GRM3: variants seen among roughly 807,000 people sequenced by gnomAD.
GRM3 encodes the protein glutamate metabotropic receptor 3.
Under a neutral mutation model 70.5 loss-of-function variants are expected in GRM3, and 26 were observed. The ratio of observed to expected loss-of-function variants is 0.37; its 90% CI spans 0.27 to 0.51. GRM3 has a LOEUF of 0.51. GRM3 is among the 20% of genes least tolerant of loss of function. GRM3 has a pLI of 0.93. For missense variants in GRM3, 859 were observed against 1,123.8 expected (o/e 0.76, Z 3.37); for synonymous variants, 443 against 434.9 (o/e 1.02, Z -0.23).
At chr7:86,767,152 C>T (rs914768583) in intron 2 of GRM3, among the ~76,000 whole-genome samples, 6 of 151,706 alleles carry the variant, frequency 4.0e-5, no homozygotes, top group Admixed American at 3.9e-4. Context: ...GCAGAGATTG[C>T]AGTGAGCCAA....
chr7:86,744,141 G>T (rs893568025), intron 1 of GRM3, among the ~76,000 whole-genome samples: 4 of 151,988 alleles, frequency 2.6e-5, no homozygotes, highest in Non-Finnish European at 5.9e-5. Flanking sequence ...CCAGGTCTGG[G>T]CATTGCTCTC....
intron 1 of GRM3, among the ~76,000 whole-genome samples, chr7:86,668,210 T>C (rs1401410751): frequency 1.3e-5 from 2 of 152,148 alleles, no homozygotes; most frequent in East Asian, 3.9e-4. Context: ...ATATTCTCCT[T>C]AGCCTGCCGT....
intron 1 of GRM3, among the ~76,000 whole-genome samples, chr7:86,663,239 A>C (rs952188129): frequency 7.9e-5 from 12 of 152,048 alleles, no homozygotes; most frequent in African/African-American, 2.9e-4. Flanking sequence ...CAATGAGGTA[A>C]GGGGTAGGCC....
chr7:86,802,904 A>T (rs1283999588), intron 3 of GRM3, among the ~76,000 whole-genome samples: 1 of 152,156 alleles, frequency 6.6e-6, no homozygotes, highest in Non-Finnish European at 1.5e-5. Context: ...CAAGTTAAAA[A>T]TTTTAAATGC....
intron 4 of GRM3, among the ~76,000 whole-genome samples, chr7:86,841,002 C>T (rs1438518451): frequency 1.3e-5 from 2 of 152,128 alleles, no homozygotes; most frequent in Admixed American, 6.6e-5. Flanking sequence ...TTAAAAATCA[C>T]TGAGGGTCAA....
chr7:86,806,664 G>C (rs1797800199), intron 3 of GRM3, among the ~76,000 whole-genome samples: 1 of 152,132 alleles, frequency 6.6e-6, no homozygotes, highest in South Asian at 2.1e-4. Flanking sequence ...CAGATGGGTA[G>C]ATTGCAAAAA....
At chr7:86,711,181 A>T (rs10230076) in intron 1 of GRM3, among the ~76,000 whole-genome samples, 103,347 of 148,924 alleles carry the variant, frequency 0.69, 36,435 homozygotes, top group East Asian at 0.91. Flanking sequence ...AATTTAATTT[A>T]ATTTTATTTT....
At chr7:86,698,594 CAT>C (rs1023554834) in intron 1 of GRM3, among the ~76,000 whole-genome samples, 3 of 148,362 alleles carry the variant, frequency 2.0e-5, no homozygotes, top group Non-Finnish European at 4.5e-5. Context: ...CACACACACA[CAT>C]ATATATAAAC....
chr7:86,776,188 T>C (rs74393160), intron 2 of GRM3, among the ~76,000 whole-genome samples: 3,455 of 152,322 alleles, frequency 0.023, 61 homozygotes, highest in Non-Finnish European at 0.035. Context: ...GTGCTTCATA[T>C]GTTTTCATTT....
At position 86,670,954 on chromosome 7, in the gene GRM3, C is replaced by A. The variant is rs188966741; in HGVS notation, c.-141+26082C>A. Among the ~76,000 whole-genome samples, 176 of 152,312 alleles carry A rather than the reference C, an allele frequency of 1.2e-3. 2 individuals carry two copies. The highest frequency in any genetic ancestry group is 3.9e-3 in the African/African-American group (163 of 41,578). Reference sequence around the variant, plus strand: ...GTATACTCTCTCCCATCAATTCCTTCAAAAATCCTACTTGTCCTTGAAGGT... The same window carrying A: ...GTATACTCTCTCCCATCAATTCCTTAAAAAATCCTACTTGTCCTTGAAGGT... On this transcript the variant is annotated intron_variant, in intron 1 of 5. Coordinates refer to ENST00000361669, the MANE Select transcript of GRM3 (RefSeq NM_000840.3).
intron 3 of GRM3, among the ~76,000 whole-genome samples, chr7:86,806,169 T>C (rs1797788039): frequency 6.6e-6 from 1 of 152,216 alleles, no homozygotes; most frequent in Non-Finnish European, 1.5e-5. Flanking sequence ...TTGGGTTGGT[T>C]CCTAGTCTTT....
intron 1 of GRM3, among the ~76,000 whole-genome samples, chr7:86,722,104 G>A (rs1282516309): frequency 6.6e-6 from 1 of 151,978 alleles, no homozygotes; most frequent in East Asian, 1.9e-4. Context: ...AGTCATAATA[G>A]ACCCCAGAGA....
chr7:86,821,173 GT>G (rs3838256), intron 3 of GRM3, among the ~76,000 whole-genome samples: 1 of 151,558 alleles, frequency 6.6e-6, no homozygotes, highest in Non-Finnish European at 1.5e-5. Flanking sequence ...TGAATAAAGG[GT>G]TTTTTTTAAC....
intron 1 of GRM3, among the ~76,000 whole-genome samples, chr7:86,703,947 A>G (rs1795000713): frequency 1.3e-5 from 2 of 151,988 alleles, no homozygotes. Flanking sequence ...CCATTCCCCA[A>G]AAAAGCCCAT....
intron 1 of GRM3, among the ~76,000 whole-genome samples, chr7:86,670,274 G>C (rs193190975): frequency 6.6e-6 from 1 of 152,148 alleles, no homozygotes; most frequent in Non-Finnish European, 1.5e-5. Flanking sequence ...AACTCAAATA[G>C]GGTAAAGAAC....
chr7:86,851,891 G>A (rs1382850834), intron 5 of GRM3, among the ~76,000 whole-genome samples: 1 of 152,140 alleles, frequency 6.6e-6, no homozygotes, highest in Non-Finnish European at 1.5e-5. Flanking sequence ...ACCTAGTCCA[G>A]CCCAGAGAGA....
chr7:86,827,132 T>C (rs1000519482), intron 3 of GRM3, among the ~76,000 whole-genome samples: 5 of 152,180 alleles, frequency 3.3e-5, no homozygotes, highest in Admixed American at 2.6e-4. Flanking sequence ...TTCCTTAAGG[T>C]CAAACGCACA....
intron 1 of GRM3, among the ~76,000 whole-genome samples, chr7:86,721,586 T>C (rs1263983888): frequency 2.0e-5 from 3 of 152,104 alleles, no homozygotes; most frequent in African/African-American, 7.2e-5. Flanking sequence ...AATATGTAAG[T>C]ACTTGGGTTG....
chr7:86,684,531 C>CTA (rs1794515624), intron 1 of GRM3, among the ~76,000 whole-genome samples: 1 of 152,170 alleles, frequency 6.6e-6, no homozygotes, highest in South Asian at 2.1e-4. Flanking sequence ...CTTTCACAAC[C>CTA]TATATAACTA....
Sources: allele counts gnomAD v4.1 joint callset (sites outside exome capture counted in the v4.1 genomes callset), GRCh38; gene constraint gnomAD v4.1.1; transcripts MANE v1.5; gene names NCBI Gene and HGNC (gene_info 2026-07-23, HGNC 2026-07-21).